ASXL2: variants seen among roughly 807,000 people sequenced by gnomAD.
The protein encoded by ASXL2 is putative Polycomb group protein ASXL2.
A neutral mutation model predicts 122.0 loss-of-function variants in ASXL2; 23 were observed. That is an observed-to-expected ratio of 0.19 (90% CI 0.14 to 0.27). ASXL2 has a LOEUF of 0.27. Among genes scored for constraint, ASXL2 ranks in the 10% least tolerant of loss-of-function variants. The pLI, the probability that ASXL2 is intolerant of heterozygous loss-of-function variation, is 1.00. For synonymous variants in ASXL2, 650 were observed against 637.0 expected, an observed-to-expected ratio of 1.02 and a Z score of -0.31; for missense variants, 1,518 against 1,713.8, an observed-to-expected ratio of 0.89 and a Z score of 2.02.
intron 1 of ASXL2, chr2:25,856,896 G>T (rs1046973539): frequency 1.6e-5 from 11 of 682,308 alleles, no homozygotes; most frequent in African/African-American, 7.1e-5. Flanking sequence ...GTCCTCGATG[G>T]AGACGAGTCT....
At chr2:25,839,898 T>A (rs1192832411) in intron 2 of ASXL2, among the ~76,000 whole-genome samples, 1 of 151,370 alleles carries the variant, frequency 6.6e-6, no homozygotes, top group Non-Finnish European at 1.5e-5. Flanking sequence ...CTTTTTTTTT[T>A]TTTTCTTTTT....
chr2:25,807,285 T>C (rs1321755897), intron 3 of ASXL2, among the ~76,000 whole-genome samples: 1 of 152,218 alleles, frequency 6.6e-6, no homozygotes, highest in Non-Finnish European at 1.5e-5. Flanking sequence ...ATAAGCCTAC[T>C]AGAAGAGGCT....
chr2:25,788,555 T>C lies in ASXL2; in HGVS notation c.403+10830A>G, dbSNP rs192703168. The stretch of plus-strand genomic sequence containing the variant: ...TACTAGTTGTACTAGTTTAAATTCT[T>C]ACCACCAGTGTATAAGAATCCCGTT... On this transcript the variant is annotated intron_variant, in intron 5 of 12. Transcript: ENST00000435504. Among the ~76,000 whole-genome samples the C allele has an allele frequency of 3.9e-5, 6 of 152,318 alleles. No homozygotes were observed. In the East Asian group the frequency reaches 9.6e-4, roughly 24 times the overall value.
intron 2 of ASXL2, among the ~76,000 whole-genome samples, chr2:25,837,450 C>T (rs2089524845): frequency 6.6e-6 from 1 of 152,074 alleles, no homozygotes; most frequent in Admixed American, 6.6e-5. Flanking sequence ...AAAATGACTG[C>T]AATTTATTTC....
chr2:25,874,849 G>C (rs1209157291), intron 1 of ASXL2, among the ~76,000 whole-genome samples: 2 of 152,098 alleles, frequency 1.3e-5, no homozygotes, highest in Non-Finnish European at 2.9e-5. Flanking sequence ...GCAGGCTGAG[G>C]CAGGAGGATC....
At chr2:25,856,725 C>T in intron 1 of ASXL2, 1 of 1,297,680 alleles carries the variant, frequency 7.7e-7, no homozygotes, top group Non-Finnish European at 1.1e-6. Context: ...AGTCACCGAG[C>T]CGATCTGGTT....
Position 25,743,515 on chromosome 2 carries a change from C to T in ASXL2, c.2822G>A (p.Arg941Lys), listed in dbSNP as rs757032159. ...ATTAGCAGGGATACTAGAGGTTGGT[C>T]TTAAAGTGGGTCCATTCATGTTTAA... ...TSLNMNGPTL[R>K]PTSSIPANNP... The change falls in exon 13 of 13, where the codon AGA (arginine) becomes AAA (lysine). Residue 941 changes from arginine to lysine, a missense_variant. Transcript: ENST00000435504. 1.2e-6 allele frequency: 2 copies of T among 1,613,834 alleles called. No individual in the cohort carries two copies. The highest frequency in any genetic ancestry group is 1.7e-6 in the Non-Finnish European group (2 of 1,179,892).
chr2:25,801,371 T>C (rs1343003893), intron 4 of ASXL2, among the ~76,000 whole-genome samples: 1 of 152,236 alleles, frequency 6.6e-6, no homozygotes, highest in Admixed American at 6.5e-5. Context: ...TACATAAAAC[T>C]GACATCCGTA....
intron 1 of ASXL2, among the ~76,000 whole-genome samples, chr2:25,868,579 C>T (rs1340653461): frequency 6.6e-6 from 1 of 152,166 alleles, no homozygotes. Flanking sequence ...AGATATTTCC[C>T]AAGGTCCAAA....
At chr2:25,807,452 C>G (rs571703471) in intron 3 of ASXL2, among the ~76,000 whole-genome samples, 6 of 152,250 alleles carry the variant, frequency 3.9e-5, no homozygotes, top group Admixed American at 1.3e-4. Context: ...GAAAGAAAAG[C>G]CTTTTGCAGA....
Position 25,810,427 on chromosome 2 carries a change from G to A in ASXL2, c.144-4090C>T, listed in dbSNP as rs369928571. 703 of 696,430 alleles carry A rather than the reference G, an allele frequency of 1.0e-3. 5 individuals carry two copies. The highest frequency in any genetic ancestry group is 9.8e-3 in the South Asian group (672 of 68,826). 43.1% of individuals were successfully genotyped at this position (696,430 alleles called of 1,614,324 possible). A position where few individuals can be genotyped will look rare whatever the true frequency, so the allele number is the denominator to read the frequency against. ...ATCAGTAGCTTTTTCCGCTTCTTCCGGCTTTTGCAGGGCAGTGGCCACGTG... is the reference window on the plus strand; with the variant it reads ...ATCAGTAGCTTTTTCCGCTTCTTCCAGCTTTTGCAGGGCAGTGGCCACGTG... On this transcript the variant is annotated intron_variant, in intron 3 of 12. Transcript: ENST00000435504.
At chr2:25,785,261 T>C (rs1233876879) in intron 5 of ASXL2, among the ~76,000 whole-genome samples, 4 of 152,242 alleles carry the variant, frequency 2.6e-5, no homozygotes, top group African/African-American at 9.6e-5. Flanking sequence ...AGTCTCGCTC[T>C]GTCTCCCTGG....
chr2:25,827,605 T>A (rs936182064), intron 3 of ASXL2, among the ~76,000 whole-genome samples: 1 of 152,358 alleles, frequency 6.6e-6, no homozygotes, highest in South Asian at 2.1e-4. Flanking sequence ...TAACTTTGAT[T>A]TAAAAAGTAA....
chr2:25,798,102 A>T (rs1169472558), intron 5 of ASXL2, among the ~76,000 whole-genome samples: 1 of 152,218 alleles, frequency 6.6e-6, no homozygotes, highest in African/African-American at 2.4e-5. Flanking sequence ...GTTCTCACTT[A>T]TAAGTGGGAG....
chr2:25,829,000 T>C (rs377362079), intron 3 of ASXL2, among the ~76,000 whole-genome samples: 20 of 152,276 alleles, frequency 1.3e-4, no homozygotes, highest in African/African-American at 4.8e-4. Context: ...ACAAGGCTTA[T>C]TAAAGATTAA....
chr2:25,791,137 T>G (rs755128648), intron 5 of ASXL2, among the ~76,000 whole-genome samples: 2 of 151,572 alleles, frequency 1.3e-5, no homozygotes, highest in African/African-American at 2.4e-5. Context: ...GCTATGAAAA[T>G]TTGGAAGAGT....
intron 1 of ASXL2, among the ~76,000 whole-genome samples, chr2:25,868,619 T>C (rs913114882): frequency 6.6e-6 from 1 of 152,214 alleles, no homozygotes; most frequent in African/African-American, 2.4e-5. Context: ...TGGAGGCAAA[T>C]ATCTTGGTGT....
At chr2:25,759,088 G>A (rs749262367) in intron 9 of ASXL2, among the ~76,000 whole-genome samples, 1 of 152,004 alleles carries the variant, frequency 6.6e-6, no homozygotes, top group Admixed American at 6.6e-5. Context: ...CCGAGTAGCT[G>A]GGATTACAGG....
At chr2:25,808,255 G>A (rs1188327961) in intron 3 of ASXL2, among the ~76,000 whole-genome samples, 1 of 152,190 alleles carries the variant, frequency 6.6e-6, no homozygotes, top group African/African-American at 2.4e-5. Context: ...ATACAAGACA[G>A]ACTGAGGAGT....
Sources: allele counts gnomAD v4.1 joint callset (sites outside exome capture counted in the v4.1 genomes callset), GRCh38; gene constraint gnomAD v4.1.1; transcripts MANE v1.5; gene names NCBI Gene and HGNC (gene_info 2026-07-23, HGNC 2026-07-21).